GLG1: variants seen among roughly 807,000 people sequenced by gnomAD.
The protein encoded by GLG1 is Golgi apparatus protein 1.
GLG1 carries 38 observed loss-of-function variants against 160.5 expected under a neutral mutation model. The ratio of observed to expected loss-of-function variants is 0.24; its 90% CI spans 0.18 to 0.31. The LOEUF is 0.31. GLG1 is among the 10% of genes least tolerant of loss of function. GLG1 has a pLI of 1.00. For missense variants in GLG1, 1,373 were observed against 1,505.2 expected (o/e 0.91, Z 1.45); for synonymous variants, 644 against 543.4 (o/e 1.19, Z -2.57).
intron 2 of GLG1, among the ~76,000 whole-genome samples, chr16:74,509,503 G>C (rs77671373): frequency 0.017 from 2,650 of 151,940 alleles, 32 homozygotes; most frequent in Non-Finnish European, 0.027. Flanking sequence ...TCATGGAGGA[G>C]AGTCGCCCAG....
At chr16:74,477,740 G>A (rs1455881900) in intron 11 of GLG1, among the ~76,000 whole-genome samples, 5 of 151,970 alleles carry the variant, frequency 3.3e-5, no homozygotes, top group Non-Finnish European at 5.9e-5. Flanking sequence ...TTGGGAGGTC[G>A]AGGCGGGCGG....
intron 17 of GLG1, chr16:74,468,130 A>G: frequency 3.3e-6 from 1 of 298,580 alleles, no homozygotes. Context: ...TGGAAAGTCA[A>G]AACCATTATA....
At chr16:74,489,012 G>GCA (rs763330176) in intron 8 of GLG1, among the ~76,000 whole-genome samples, 1 of 152,192 alleles carries the variant, frequency 6.6e-6, no homozygotes, top group Non-Finnish European at 1.5e-5. Context: ...TGGACACACA[G>GCA]GGTGATGTGG....
chr16:74,603,090 A>AAACAACAAC (rs74553816), intron 1 of GLG1, among the ~76,000 whole-genome samples: 253 of 150,254 alleles, frequency 1.7e-3, no homozygotes, highest in Middle Eastern at 3.4e-3. Flanking sequence ...ACTTCGTCTC[A>AAACAACAAC]AACAACAACA....
intron 1 of GLG1, among the ~76,000 whole-genome samples, chr16:74,587,450 T>A (rs1051498956): frequency 6.6e-6 from 1 of 152,084 alleles, no homozygotes; most frequent in African/African-American, 2.4e-5. Flanking sequence ...TGTGGAGGGA[T>A]CCCCTTGAAT....
At chr16:74,602,803 G>A (rs1244557053) in intron 1 of GLG1, among the ~76,000 whole-genome samples, 1 of 149,682 alleles carries the variant, frequency 6.7e-6, no homozygotes, top group East Asian at 2.0e-4. Flanking sequence ...AAAAGGGTGG[G>A]AACAGTTGAA....
chr16:74,559,107 G>C (rs959005496), intron 1 of GLG1, among the ~76,000 whole-genome samples: 1 of 152,038 alleles, frequency 6.6e-6, no homozygotes, highest in Non-Finnish European at 1.5e-5. Context: ...CAGGCTTCAC[G>C]CAGTCTTCCT....
At position 74,472,116 on chromosome 16, in the gene GLG1, G is replaced by A. The variant is rs1434996731; in HGVS notation, c.2115+233C>T. Among the ~76,000 whole-genome samples the A allele has an allele frequency of 6.6e-5, 10 of 152,106 alleles. No homozygotes were observed. In the East Asian group the frequency reaches 1.9e-3, roughly 29 times the overall value. On this transcript the variant is annotated intron_variant, in intron 14 of 25. Coordinates refer to ENST00000422840, the MANE Select transcript of GLG1 (RefSeq NM_001145667.2). ...AGACAGAGTTTTGCCATGTTGCCCAGGCTGGTCTTGAAATCCTGGGCTCAA... is the reference window on the plus strand; with the variant it reads ...AGACAGAGTTTTGCCATGTTGCCCAAGCTGGTCTTGAAATCCTGGGCTCAA...
chr16:74,587,382 T>C (rs554006235), intron 1 of GLG1, among the ~76,000 whole-genome samples: 1 of 152,272 alleles, frequency 6.6e-6, no homozygotes, highest in East Asian at 1.9e-4. Flanking sequence ...ATTTGAATAG[T>C]GGAACCAAGA....
Position 74,452,564 on chromosome 16 carries a change from C to G in GLG1, c.*603G>C. The G allele has an allele frequency of 9.9e-7, 1 of 1,006,260 alleles. No individual in the cohort carries two copies. The highest frequency in any genetic ancestry group is 1.2e-6 in the Non-Finnish European group (1 of 841,732). 62.3% of individuals were successfully genotyped at this position (1,006,260 alleles called of 1,614,324 possible). ...GCGTCACTGTCTCAGCAGAAGAAAG[C>G]AGGACCCCACACAGCCTGGGGAACG... On this transcript the variant is annotated 3_prime_UTR_variant, in exon 26 of 26. Transcript: ENST00000422840.
intron 3 of GLG1, among the ~76,000 whole-genome samples, chr16:74,505,667 C>A (rs2016570992): frequency 6.6e-6 from 1 of 152,154 alleles, no homozygotes; most frequent in Admixed American, 6.5e-5. Context: ...CCAGCCTGGG[C>A]AACACGGTGA....
chr16:74,575,536 C>G (rs915769042), intron 1 of GLG1, among the ~76,000 whole-genome samples: 2 of 152,096 alleles, frequency 1.3e-5, no homozygotes, highest in African/African-American at 4.8e-5. Context: ...AGAACTCAAC[C>G]AAACCAAACA....
chr16:74,450,099 G>A lies in GLG1; in HGVS notation c.*3068C>T, dbSNP rs147588644. 6.6e-6 allele frequency: 1 copy of A among 152,238 alleles called. No homozygotes were observed. Among genetic ancestry groups the A allele is most frequent in the Non-Finnish European group, 1.5e-5 (1 of 68,064 alleles). 9.4% of individuals were successfully genotyped at this position (152,238 alleles called of 1,614,324 possible). Reference sequence around the variant, plus strand: ...GTCACAGGGACACTGGCATGAACTGGTAAGTCCAGATGACAGTGACCCAGC... The same window carrying A: ...GTCACAGGGACACTGGCATGAACTGATAAGTCCAGATGACAGTGACCCAGC... On this transcript the variant is annotated 3_prime_UTR_variant, in exon 26 of 26. Coordinates refer to ENST00000422840, the MANE Select transcript of GLG1 (RefSeq NM_001145667.2).
chr16:74,482,964 A>G (rs1307350434), intron 10 of GLG1, 59 bp downstream of exon 10: 1 of 884,174 alleles, frequency 1.1e-6, no homozygotes, highest in East Asian at 2.4e-5. Flanking sequence ...ACAGGTAATT[A>G]TGACTACACA....
intron 1 of GLG1, among the ~76,000 whole-genome samples, chr16:74,582,966 C>A (rs1211071546): frequency 1.3e-5 from 2 of 152,152 alleles, no homozygotes; most frequent in Admixed American, 6.6e-5. Flanking sequence ...ACTCTAGTTA[C>A]CCAAGGGTTT....
rs956609470 is a variant in GLG1 at position 74,452,241 on chromosome 16, A to G, written c.*926T>C. ...CCGCCACAGTCCTGCCTCCTGATGA[A>G]GCGCAGAGCTTCCAGAGTGACTGTA... On this transcript the variant is annotated 3_prime_UTR_variant, in exon 26 of 26. Coordinates refer to ENST00000422840, the MANE Select transcript of GLG1 (RefSeq NM_001145667.2). The G allele has an allele frequency of 1.4e-5, 21 of 1,525,016 alleles. No individual in the cohort carries two copies. Among genetic ancestry groups the G allele is most frequent in the Admixed American group, 2.0e-5 (1 of 50,068 alleles). 94.5% of individuals were successfully genotyped at this position (1,525,016 alleles called of 1,614,324 possible).
At chr16:74,576,190 C>T (rs2018997844) in intron 1 of GLG1, among the ~76,000 whole-genome samples, 1 of 151,624 alleles carries the variant, frequency 6.6e-6, no homozygotes, top group Admixed American at 6.6e-5. Context: ...GAGCGAGACT[C>T]CTTCTCAAAA....
intron 1 of GLG1, among the ~76,000 whole-genome samples, chr16:74,560,441 C>T (rs890117008): frequency 1.3e-5 from 2 of 151,288 alleles, no homozygotes; most frequent in African/African-American, 2.4e-5. Flanking sequence ...GATTCTGCCA[C>T]CTCAGCCTCC....
chr16:74,575,888 GCT>G (rs148439527), intron 1 of GLG1, among the ~76,000 whole-genome samples: 5 of 150,670 alleles, frequency 3.3e-5, no homozygotes, highest in Admixed American at 6.6e-5. Flanking sequence ...GTGCTCTCAT[GCT>G]CTCTCTCTCT....
Sources: allele counts gnomAD v4.1 joint callset (sites outside exome capture counted in the v4.1 genomes callset), GRCh38; gene constraint gnomAD v4.1.1; transcripts MANE v1.5; gene names NCBI Gene and HGNC (gene_info 2026-07-23, HGNC 2026-07-21).